The following CMSS1 variants were observed in gnomAD, a reference collection of about 807,000 sequenced individuals.
The protein encoded by CMSS1 is protein CMSS1.
A neutral mutation model predicts 43.5 loss-of-function variants in CMSS1; 33 were observed. The ratio of observed to expected loss-of-function variants is 0.76; its 90% CI spans 0.57 to 1.01. CMSS1 has a LOEUF of 1.01. Ranked by LOEUF, CMSS1 falls within the 50% of genes least tolerant of loss-of-function variation. CMSS1 has a pLI of 0.00. For synonymous variants in CMSS1, 115 were observed against 117.2 expected, an observed-to-expected ratio of 0.98 and a Z score of 0.12; for missense variants, 313 against 326.4, an observed-to-expected ratio of 0.96 and a Z score of 0.32.
intron 1 of CMSS1, among the ~76,000 whole-genome samples, chr3:100,076,231 GT>G (rs1449460959): frequency 2.6e-5 from 4 of 152,274 alleles, no homozygotes; most frequent in Non-Finnish European, 1.5e-5. Flanking sequence ...AGGCTTGTCT[GT>G]TTCATTCCTT....
intron 1 of CMSS1, among the ~76,000 whole-genome samples, chr3:99,948,065 A>C (rs1389418297): frequency 6.6e-6 from 1 of 152,242 alleles, no homozygotes. Flanking sequence ...AAGCTATAAC[A>C]TTCTGTTTCT....
chr3:100,089,893 A>G (rs1426894468), intron 1 of CMSS1, among the ~76,000 whole-genome samples: 4 of 152,214 alleles, frequency 2.6e-5, no homozygotes, highest in African/African-American at 9.6e-5. Context: ...TCCGTTTCCT[A>G]GGCTGTGAAC....
At chr3:100,121,977 G>A (rs2066625122) in intron 1 of CMSS1, among the ~76,000 whole-genome samples, 1 of 152,174 alleles carries the variant, frequency 6.6e-6, no homozygotes, top group Non-Finnish European at 1.5e-5. Flanking sequence ...TGTGCTCCTT[G>A]GGTTGGGGCC....
At chr3:99,975,248 AATAC>A (rs1218380413) in intron 1 of CMSS1, among the ~76,000 whole-genome samples, 1 of 152,192 alleles carries the variant, frequency 6.6e-6, no homozygotes, top group African/African-American at 2.4e-5. Flanking sequence ...CCATTCAACA[AATAC>A]ATACTAAACT....
chr3:99,950,967 T>C (rs1424485572), intron 1 of CMSS1, among the ~76,000 whole-genome samples: 1 of 152,232 alleles, frequency 6.6e-6, no homozygotes, highest in African/African-American at 2.4e-5. Flanking sequence ...GCCCTTGGAA[T>C]AACTCAAAAC....
chr3:99,983,462 GTGTATATA>G lies in CMSS1; in HGVS notation c.65-163509_65-163502del, dbSNP rs1282013167. 7.4e-3 allele frequency among the ~76,000 whole-genome samples: 89 copies of G among 11,976 alleles called. 1 individual carries two copies. The highest frequency in any genetic ancestry group is 0.02 in the South Asian group (7 of 342). 7.9% of individuals were successfully genotyped at this position (11,976 alleles called of 152,430 possible). ...TATATGTATGTATATATATATATGT[GTGTATATA>G]TATATATATATATATATATATATAT... On this transcript the variant is annotated intron_variant, in intron 1 of 9. Transcript: ENST00000421999.
At chr3:99,869,835 G>A (rs1944700921) in intron 1 of CMSS1, among the ~76,000 whole-genome samples, 1 of 152,182 alleles carries the variant, frequency 6.6e-6, no homozygotes, top group Non-Finnish European at 1.5e-5. Context: ...TTCCAGGACT[G>A]GTGGGCCATG....
chr3:99,890,239 A>G (rs1003733322), intron 1 of CMSS1, among the ~76,000 whole-genome samples: 10 of 152,074 alleles, frequency 6.6e-5, no homozygotes, highest in Admixed American at 2.0e-4. Context: ...AAAATCATCT[A>G]TCTAATTGTC....
At chr3:99,951,753 T>G (rs558994839) in intron 1 of CMSS1, among the ~76,000 whole-genome samples, 11 of 152,310 alleles carry the variant, frequency 7.2e-5, no homozygotes, top group Admixed American at 2.0e-4. Context: ...CAGCAAACTC[T>G]TTCAGTAAGG....
intron 1 of CMSS1, among the ~76,000 whole-genome samples, chr3:100,128,822 C>A (rs1178253983): frequency 6.6e-6 from 1 of 152,218 alleles, no homozygotes; most frequent in Non-Finnish European, 1.5e-5. Context: ...CACGTTGTTG[C>A]ATTTGTCAGC....
intron 2 of CMSS1, among the ~76,000 whole-genome samples, chr3:100,150,325 G>T (rs2066895890): frequency 6.6e-6 from 1 of 152,098 alleles, no homozygotes; most frequent in Admixed American, 6.5e-5. Context: ...AAATATAACT[G>T]CATTTTTTCT....
At chr3:100,037,497 C>T (rs1318780800) in intron 1 of CMSS1, among the ~76,000 whole-genome samples, 3 of 152,022 alleles carry the variant, frequency 2.0e-5, no homozygotes, top group African/African-American at 2.4e-5. Context: ...TTAAATAAAG[C>T]CAGCGCAACA....
intron 1 of CMSS1, among the ~76,000 whole-genome samples, chr3:99,873,485 C>T (rs955330832): frequency 1.3e-5 from 2 of 152,080 alleles, no homozygotes; most frequent in Non-Finnish European, 2.9e-5. Context: ...TTCCTTTTTC[C>T]TTTAAATAGG....
chr3:100,003,855 G>C (rs1387788262), intron 1 of CMSS1, among the ~76,000 whole-genome samples: 1 of 152,094 alleles, frequency 6.6e-6, no homozygotes, highest in Non-Finnish European at 1.5e-5. Flanking sequence ...AACTTTGCAT[G>C]AGTTCAACTA....
chr3:100,090,200 C>A (rs2066080092), intron 1 of CMSS1, among the ~76,000 whole-genome samples: 1 of 152,218 alleles, frequency 6.6e-6, no homozygotes, highest in African/African-American at 2.4e-5. Context: ...AGGCCCCAGG[C>A]ACCTTTGTCC....
At chr3:100,063,605 G>A (rs571169464) in intron 1 of CMSS1, among the ~76,000 whole-genome samples, 11 of 152,182 alleles carry the variant, frequency 7.2e-5, no homozygotes, top group African/African-American at 2.4e-4. Context: ...CCAGACTTTG[G>A]TAGTCTTTTA....
At chr3:100,145,537 T>C (rs549539163) in intron 1 of CMSS1, among the ~76,000 whole-genome samples, 1 of 152,178 alleles carries the variant, frequency 6.6e-6, no homozygotes, top group South Asian at 2.1e-4. Flanking sequence ...CTCTAAGGAA[T>C]TGGCTCACAT....
chr3:99,844,515 T>C (rs1169432938), intron 1 of CMSS1, among the ~76,000 whole-genome samples: 1 of 152,222 alleles, frequency 6.6e-6, no homozygotes, highest in African/African-American at 2.4e-5. Context: ...GTCTAACATA[T>C]TTCAAAGGAG....
chr3:99,825,585 A>G (rs888477258), intron 1 of CMSS1, among the ~76,000 whole-genome samples: 1 of 152,166 alleles, frequency 6.6e-6, no homozygotes, highest in Non-Finnish European at 1.5e-5. Flanking sequence ...TTAAAGGTGG[A>G]AATTTATGCA....
Sources: allele counts gnomAD v4.1 joint callset (sites outside exome capture counted in the v4.1 genomes callset), GRCh38; gene constraint gnomAD v4.1.1; transcripts MANE v1.5; gene names NCBI Gene and HGNC (gene_info 2026-07-23, HGNC 2026-07-21).